Variants in LRRC37A2 observed in about 807,000 individuals in gnomAD.
LRRC37A2 encodes leucine rich repeat containing 37 member A2.
Under a neutral mutation model 68.8 loss-of-function variants are expected in LRRC37A2, and 9 were observed. The ratio of observed to expected loss-of-function variants is 0.13; its 90% CI spans 0.08 to 0.23. The LOEUF is 0.23. Among genes scored for constraint, LRRC37A2 ranks in the 10% least tolerant of loss-of-function variants. The pLI, the probability that LRRC37A2 is intolerant of heterozygous loss-of-function variation, is 1.00. For synonymous variants in LRRC37A2, 63 were observed against 367.6 expected, an observed-to-expected ratio of 0.17 and a Z score of 9.48; for missense variants, 168 against 950.4, an observed-to-expected ratio of 0.18 and a Z score of 10.82.
the LRRC37A2 span, among the ~76,000 whole-genome samples, chr17:46,780,406 A>C: frequency 3.3e-5 from 5 of 152,238 alleles, no homozygotes; most frequent in African/African-American, 1.2e-4. Flanking sequence ...GAACATATGA[A>C]AAGAGGGCCC....
At chr17:47,014,396 AAAAAAAAAAAAAG>A in the LRRC37A2 span, among the ~76,000 whole-genome samples, 6 of 118,182 alleles carry the variant, frequency 5.1e-5, no homozygotes, top group Admixed American at 3.5e-4. Context: ...TCTCGAGAAA[AAAAAAAAAAAAAG>A]AAAAAAGAAA....
chr17:47,031,309 G>C, the LRRC37A2 span, among the ~76,000 whole-genome samples: 1 of 148,242 alleles, frequency 6.7e-6, no homozygotes, highest in East Asian at 2.0e-4. Flanking sequence ...TATTTGCAGG[G>C]CATCCAAGCA....
chr17:46,936,251 A>G, the LRRC37A2 span: 8 of 985,362 alleles, frequency 8.1e-6, no homozygotes, highest in Non-Finnish European at 9.6e-6. Context: ...TCTCCTTTTC[A>G]TATCTCAGAA....
At chr17:46,635,872 G>A in the LRRC37A2 span, among the ~76,000 whole-genome samples, 1 of 124,062 alleles carries the variant, frequency 8.1e-6, no homozygotes, top group Non-Finnish European at 1.8e-5. Flanking sequence ...CTTACTAGGC[G>A]TAATCAAGTT....
the LRRC37A2 span, chr17:46,773,975 G>A: frequency 4.5e-6 from 7 of 1,569,418 alleles, no homozygotes; most frequent in Non-Finnish European, 6.0e-6. Context: ...GGGCACCATG[G>A]CCGCTTTGTG....
At chr17:46,759,003 G>A in the LRRC37A2 span, among the ~76,000 whole-genome samples, 364 of 152,220 alleles carry the variant, frequency 2.4e-3, 1 homozygote, top group Non-Finnish European at 2.7e-3. Flanking sequence ...TCAGGAGTTC[G>A]ACGCCAGCCT....
chr17:47,028,660 G>A, the LRRC37A2 span, among the ~76,000 whole-genome samples: 1 of 152,034 alleles, frequency 6.6e-6, no homozygotes, highest in African/African-American at 2.4e-5. Flanking sequence ...TGTAATCCCA[G>A]AACTTTGGGA....
the LRRC37A2 span, among the ~76,000 whole-genome samples, chr17:46,981,440 C>T: frequency 3.3e-5 from 5 of 152,204 alleles, no homozygotes; most frequent in Non-Finnish European, 7.3e-5. Context: ...CTTTCTCTCT[C>T]TTCTCTTTCT....
At chr17:46,395,503 C>T in the LRRC37A2 span, among the ~76,000 whole-genome samples, 1 of 93,228 alleles carries the variant, frequency 1.1e-5, no homozygotes, top group African/African-American at 4.9e-5. Context: ...ACAGCAAGAC[C>T]TTGTTTCTAC....
chr17:46,948,359 GTCTGA>G, the LRRC37A2 span, among the ~76,000 whole-genome samples: 1 of 152,194 alleles, frequency 6.6e-6, no homozygotes, highest in Non-Finnish European at 1.5e-5. Context: ...TAGGACCCAG[GTCTGA>G]TCCCTTCATT....
At chr17:46,985,519 CAA>C in the LRRC37A2 span, among the ~76,000 whole-genome samples, 9,566 of 111,266 alleles carry the variant, frequency 0.086, 452 homozygotes, top group South Asian at 0.24. Context: ...GATTCCATCT[CAA>C]AAAAAAAAAA....
chr17:47,018,933 C>T, the LRRC37A2 span: 1 of 1,519,676 alleles, frequency 6.6e-7, no homozygotes, highest in Non-Finnish European at 9.1e-7. Context: ...AGTTGTACCC[C>T]AACTTCGAAT....
chr17:46,896,368 AG>A, the LRRC37A2 span, among the ~76,000 whole-genome samples: 3 of 149,408 alleles, frequency 2.0e-5, no homozygotes, highest in African/African-American at 7.4e-5. Context: ...AGAAAGAAAG[AG>A]AGAGAGAGAA....
chr17:46,933,037 T>C, the LRRC37A2 span: 4 of 152,302 alleles, frequency 2.6e-5, no homozygotes, highest in Admixed American at 2.6e-4. Context: ...TGTGCCAACA[T>C]AGTTTTTGCT....
At chr17:46,458,572 G>A in the LRRC37A2 span, among the ~76,000 whole-genome samples, 2 of 23,248 alleles carry the variant, frequency 8.6e-5, no homozygotes, top group African/African-American at 1.5e-4. Flanking sequence ...ATGGAGTTTT[G>A]CTCTTGTTGC....
the LRRC37A2 span, among the ~76,000 whole-genome samples, chr17:46,776,436 C>T: frequency 4.6e-5 from 7 of 152,216 alleles, no homozygotes; most frequent in Non-Finnish European, 1.0e-4. Context: ...TGTCTGTTAC[C>T]TTATGTAATC....
At chr17:46,745,331 T>C in the LRRC37A2 span, among the ~76,000 whole-genome samples, 3 of 152,220 alleles carry the variant, frequency 2.0e-5, no homozygotes, top group Admixed American at 2.0e-4. Context: ...GGTAATGTTT[T>C]TCAATGTTTT....
the LRRC37A2 span, among the ~76,000 whole-genome samples, chr17:46,881,365 C>A: frequency 6.6e-6 from 1 of 152,258 alleles, no homozygotes; most frequent in Admixed American, 6.5e-5. Flanking sequence ...ATGACAGACA[C>A]GTCCACATGC....
chr17:46,745,771 T>G, the LRRC37A2 span, among the ~76,000 whole-genome samples: 1 of 152,244 alleles, frequency 6.6e-6, no homozygotes, highest in Non-Finnish European at 1.5e-5. Context: ...CCTTTAGGGC[T>G]ATGTTCCCAA....
Sources: allele counts gnomAD v4.1 joint callset (sites outside exome capture counted in the v4.1 genomes callset), GRCh38; gene constraint gnomAD v4.1.1; transcripts MANE v1.5; gene names NCBI Gene and HGNC (gene_info 2026-07-23, HGNC 2026-07-21).